Variants in CFAP61 observed in about 807,000 individuals in gnomAD.
CFAP61 encodes the protein cilia and flagella associated protein 61.
In CFAP61, 107 loss-of-function variants were observed where a neutral mutation model predicts 135.6. The observed-to-expected ratio is 0.79, with a 90% CI of 0.67 to 0.93. The LOEUF is 0.93. Among genes scored for constraint, CFAP61 ranks in the 40% least tolerant of loss-of-function variants. The pLI is 0.00. For missense variants in CFAP61, 1,507 were observed against 1,556.2 expected (o/e 0.97, Z 0.53); for synonymous variants, 575 against 578.5 (o/e 0.99, Z 0.09).
At chr20:20,268,400 G>T (rs1164691925) in intron 21 of CFAP61, among the ~76,000 whole-genome samples, 1 of 152,204 alleles carries the variant, frequency 6.6e-6, no homozygotes, top group Admixed American at 6.5e-5. Context: ...ATACTCCCAG[G>T]AGGAAGTCGG....
At chr20:20,069,304 G>A (rs886559224) in intron 2 of CFAP61, among the ~76,000 whole-genome samples, 7 of 151,992 alleles carry the variant, frequency 4.6e-5, no homozygotes, top group African/African-American at 1.2e-4. Flanking sequence ...GTTTTGAGAT[G>A]GATTCTCGCT....
Position 20,150,551 on chromosome 20 carries a change from C to T in CFAP61, c.951+7603C>T, listed in dbSNP as rs539198166. ...GAAACATCCTGGATAACCAGTGGTCCTGAGTCTGTCCACATGACAGCTTCA... is the reference window on the plus strand; with the variant it reads ...GAAACATCCTGGATAACCAGTGGTCTTGAGTCTGTCCACATGACAGCTTCA... On this transcript the variant is annotated intron_variant, in intron 9 of 26. Transcript: ENST00000245957. 3.3e-5 allele frequency among the ~76,000 whole-genome samples: 5 copies of T among 152,304 alleles called. No individual in the cohort carries two copies. In the East Asian group the frequency reaches 9.7e-4, roughly 29 times the overall value.
chr20:20,067,604 T>C (rs1470959015), intron 2 of CFAP61, among the ~76,000 whole-genome samples: 3 of 148,250 alleles, frequency 2.0e-5, no homozygotes, highest in Admixed American at 6.8e-5. Flanking sequence ...ATCGCGCCAC[T>C]GCACTCCAGG....
At chr20:20,255,047 A>G (rs1015932295) in intron 20 of CFAP61, among the ~76,000 whole-genome samples, 3 of 152,214 alleles carry the variant, frequency 2.0e-5, no homozygotes, top group Non-Finnish European at 4.4e-5. Flanking sequence ...CTCCAAATAC[A>G]GTAATATGTT....
chr20:20,329,860 C>A (rs576930912), intron 25 of CFAP61, among the ~76,000 whole-genome samples: 1 of 152,372 alleles, frequency 6.6e-6, no homozygotes, highest in East Asian at 1.9e-4. Context: ...CTGTACGCAG[C>A]GCCTGTAAGT....
At chr20:20,155,087 C>A (rs1217397674) in intron 9 of CFAP61, among the ~76,000 whole-genome samples, 1 of 151,944 alleles carries the variant, frequency 6.6e-6, no homozygotes, top group Non-Finnish European at 1.5e-5. Flanking sequence ...TGTAGACCAA[C>A]AGAACAGAAT....
chr20:20,091,149 T>G (rs1367086754), intron 7 of CFAP61, among the ~76,000 whole-genome samples, 173 bp downstream of exon 7: 1 of 152,166 alleles, frequency 6.6e-6, no homozygotes, highest in Non-Finnish European at 1.5e-5. Context: ...CCTGGGTTAC[T>G]GGCTTTAGGT....
chr20:20,106,843 C>T lies in CFAP61; in HGVS notation c.859+8029C>T, dbSNP rs550177050. ...CAGATGGAAGGCTGAAAGATAATAA[C>T]GAAAGATTATGCAAAAAAAATCCGT... On this transcript the variant is annotated intron_variant, in intron 8 of 26. Transcript: ENST00000245957. 2.8e-4 allele frequency among the ~76,000 whole-genome samples: 43 copies of T among 152,112 alleles called. No individual in the cohort carries two copies. The South Asian group carries it at 3.7e-3, about 13-fold the overall frequency.
At chr20:20,159,490 G>A (rs1482100430) in intron 10 of CFAP61, 46 bp downstream of exon 10, 1 of 1,492,280 alleles carries the variant, frequency 6.7e-7, no homozygotes, top group African/African-American at 1.4e-5. Context: ...CCACCCCATG[G>A]GTTTCACACC....
intron 26 of CFAP61, among the ~76,000 whole-genome samples, chr20:20,358,478 G>A (rs574405428): frequency 2.0e-5 from 3 of 152,270 alleles, no homozygotes; most frequent in African/African-American, 7.2e-5. Context: ...TAAGGTAATT[G>A]TTTTTGGTTG....
In CFAP61 at chr20:20,228,340, G is replaced by C; in HGVS notation, c.2024G>C (p.Ser675Thr). 2 of 1,611,996 alleles carry C rather than the reference G, an allele frequency of 1.2e-6. No homozygotes were observed. The highest frequency in any genetic ancestry group is 1.7e-6 in the Non-Finnish European group (2 of 1,178,356). The change falls in exon 18 of 27, where the codon AGT becomes ACT. Residue 675 changes from serine (S) to threonine (T), a missense_variant. Physicochemically the swap from Ser to Thr is moderately conservative, Grantham distance 58 (BLOSUM62 1). Transcript: ENST00000245957. ...AAGATCATTGTGGTTGGTGCATCCA[G>C]TGTTGGAATTTCCTTCCTAGAGACA... ...NAKIIVVGASSVGISFLETLV... is the reference protein window; with the variant it reads ...NAKIIVVGASTVGISFLETLV...
chr20:20,227,353 C>T (rs1601507874), intron 17 of CFAP61, among the ~76,000 whole-genome samples: 1 of 152,296 alleles, frequency 6.6e-6, no homozygotes, highest in East Asian at 1.9e-4. Context: ...ACCATTGTTT[C>T]CAATGAGAAG....
chr20:20,343,508 C>T (rs1321916372), intron 26 of CFAP61, among the ~76,000 whole-genome samples: 3 of 152,164 alleles, frequency 2.0e-5, no homozygotes, highest in African/African-American at 4.8e-5. Flanking sequence ...GCAATGGAAT[C>T]CACTAAAGAT....
intron 1 of CFAP61, among the ~76,000 whole-genome samples, chr20:20,055,678 G>A (rs1235460095): frequency 1.3e-5 from 2 of 152,028 alleles, no homozygotes; most frequent in Non-Finnish European, 2.9e-5. Context: ...TGTAGCATTA[G>A]TTTATGATAT....
rs1321026401 is a variant in CFAP61, at chr20:20,056,741, C to T, written c.88C>T (p.Leu30Phe). The T allele has an allele frequency of 3.7e-6, 6 of 1,613,964 alleles. No individual in the cohort carries two copies. Among genetic ancestry groups the T allele is most frequent in the Middle Eastern group, 1.6e-4 (1 of 6,062 alleles). Reference sequence around the variant, plus strand: ...ACAGGATGTTTATTGTATCAAAAGCCTTATTAGAAAATTTACCTGCAAGCT... The same window carrying T: ...ACAGGATGTTTATTGTATCAAAAGCTTTATTAGAAAATTTACCTGCAAGCT... ...ESQDVYCIKS[L>F]IRKFTCKLFG... Residue 30 changes from leucine to phenylalanine, a missense_variant, in exon 2 of 27, where the codon CTT becomes TTT. Leu to Phe is a conservative substitution (Grantham distance 22). Coordinates refer to ENST00000245957, the MANE Select transcript of CFAP61 (RefSeq NM_015585.4).
chr20:20,161,562 G>C (rs1215522711), intron 10 of CFAP61, among the ~76,000 whole-genome samples: 3 of 152,216 alleles, frequency 2.0e-5, no homozygotes, highest in African/African-American at 7.2e-5. Flanking sequence ...CTGGTGAAAA[G>C]TGTGTGAATT....
intron 18 of CFAP61, among the ~76,000 whole-genome samples, chr20:20,245,707 T>C (rs759872381): frequency 6.6e-6 from 1 of 152,116 alleles, no homozygotes; most frequent in Non-Finnish European, 1.5e-5. Context: ...CTAGATGGGG[T>C]AATGAGCCAT....
chr20:20,282,249 CA>C (rs1332523630), intron 22 of CFAP61, among the ~76,000 whole-genome samples: 5 of 152,112 alleles, frequency 3.3e-5, no homozygotes, highest in Admixed American at 2.0e-4. Flanking sequence ...TGATCTTTTT[CA>C]ATTAACCAGC....
intron 18 of CFAP61, among the ~76,000 whole-genome samples, chr20:20,238,007 G>T (rs1379503065): frequency 6.6e-6 from 1 of 152,174 alleles, no homozygotes; most frequent in East Asian, 1.9e-4. Flanking sequence ...TTCACCTCGT[G>T]TATATTTAAA....
Sources: allele counts gnomAD v4.1 joint callset (sites outside exome capture counted in the v4.1 genomes callset), GRCh38; gene constraint gnomAD v4.1.1; transcripts MANE v1.5; gene names NCBI Gene and HGNC (gene_info 2026-07-23, HGNC 2026-07-21).